Variants in ATP6V0E1 observed in about 807,000 individuals in gnomAD.
The protein encoded by ATP6V0E1 is ATPase H+ transporting V0 subunit e1.
Under a neutral mutation model 11.6 loss-of-function variants are expected in ATP6V0E1, and 4 were observed. That is an observed-to-expected ratio of 0.35 (90% CI 0.17 to 0.79). ATP6V0E1 has a LOEUF of 0.79. Ranked by LOEUF, ATP6V0E1 falls within the 30% of genes least tolerant of loss-of-function variation. ATP6V0E1 has a pLI of 0.54. For missense variants in ATP6V0E1, 105 were observed against 100.0 expected, an observed-to-expected ratio of 1.05 and a Z score of -0.21; for synonymous variants, 36 against 34.8, an observed-to-expected ratio of 1.04 and a Z score of -0.13.
intron 3 of ATP6V0E1, among the ~76,000 whole-genome samples, chr5:173,025,513 T>G (rs1289064264): frequency 8.2e-5 from 11 of 134,136 alleles, no homozygotes; most frequent in African/African-American, 2.3e-4. Flanking sequence ...ACTTTTTTTT[T>G]TTTTTTTTTT....
chr5:172,993,879 G>T (rs1356236565), intron 1 of ATP6V0E1, among the ~76,000 whole-genome samples: 2 of 151,968 alleles, frequency 1.3e-5, no homozygotes, highest in African/African-American at 4.8e-5. Flanking sequence ...AAAAAAACAG[G>T]AGTTATAATA....
rs763955601 is a variant in ATP6V0E1, at chr5:172,983,831, G to C, written c.-30G>C. Reference sequence around the variant, plus strand: ...CCTGGTGGGATCCGAGTGAGGCGACGGGGTAGGGGTTGGCGCTCAGGCGGC... The same window carrying C: ...CCTGGTGGGATCCGAGTGAGGCGACCGGGTAGGGGTTGGCGCTCAGGCGGC... On this transcript the variant is annotated 5_prime_UTR_variant, in exon 1 of 4. Coordinates refer to ENST00000519374, the MANE Select transcript of ATP6V0E1 (RefSeq NM_003945.4). The C allele has an allele frequency of 3.7e-6, 6 of 1,603,936 alleles. No homozygotes were observed. Among genetic ancestry groups the C allele is most frequent in the African/African-American group, 2.7e-5 (2 of 74,764 alleles).
intron 3 of ATP6V0E1, 24 bp downstream of exon 3, chr5:173,020,391 T>C (rs1756460971): frequency 2.9e-6 from 4 of 1,363,316 alleles, no homozygotes; most frequent in Admixed American, 1.8e-5. Context: ...TGACCTTTCT[T>C]ATCAGTATGG....
chr5:173,028,274 C>T (rs1308875395), intron 3 of ATP6V0E1, among the ~76,000 whole-genome samples: 7 of 152,188 alleles, frequency 4.6e-5, no homozygotes, highest in Admixed American at 4.6e-4. Context: ...TAATCTCTGC[C>T]TAGCGTTAGA....
At position 173,020,300 on chromosome 5, in the gene ATP6V0E1, C is replaced by A. The variant is rs904282539; in HGVS notation, c.215C>A (p.Thr72Asn). The change falls in exon 3 of 4, where the codon ACC becomes AAC. Residue 72 changes from threonine (T) to asparagine (N), a missense_variant. Transcript: ENST00000519374. ...TTTGGACCGCAATTGAAAAATGAAA[C>A]CATCTGGTATCTGAAGTATCATTGG... The part of the protein sequence containing the change: ...PLFGPQLKNE[T>N]IWYLKYHWP 2 of 1,613,868 alleles carry A rather than the reference C, an allele frequency of 1.2e-6. No individual in the cohort carries two copies. Among genetic ancestry groups the A allele is most frequent in the Non-Finnish European group, 1.7e-6 (2 of 1,179,772 alleles).
intron 3 of ATP6V0E1, among the ~76,000 whole-genome samples, chr5:173,026,004 T>A (rs563570607): frequency 1.9e-4 from 28 of 150,620 alleles, no homozygotes; most frequent in East Asian, 1.7e-3. Context: ...ATAATAATAT[T>A]TTTTTTTTTT....
chr5:173,019,820 C>T (rs937798719), intron 2 of ATP6V0E1, among the ~76,000 whole-genome samples: 1 of 152,046 alleles, frequency 6.6e-6, no homozygotes, highest in Admixed American at 6.6e-5. Flanking sequence ...ATGGGTGTGT[C>T]ATGTAGGTTG....
At chr5:173,018,972 T>TA (rs1171551084) in intron 2 of ATP6V0E1, among the ~76,000 whole-genome samples, 1 of 152,138 alleles carries the variant, frequency 6.6e-6, no homozygotes, top group Non-Finnish European at 1.5e-5. Flanking sequence ...TTTCTTTTTT[T>TA]AGAGACAGGG....
rs60822937 is a variant in ATP6V0E1, at chr5:173,025,504, C to CTTT, written c.*36+5162_*36+5164dup. Among the ~76,000 whole-genome samples the CTTT allele has an allele frequency of 6.3e-3, 411 of 65,576 alleles. 83 individuals are homozygous for CTTT. Among genetic ancestry groups the CTTT allele is most frequent in the African/African-American group, 0.011 (150 of 13,972 alleles). 43.0% of individuals were successfully genotyped at this position (65,576 alleles called of 152,430 possible). A position where few individuals can be genotyped will look rare whatever the true frequency, so the allele number is the denominator to read the frequency against. On this transcript the variant is annotated intron_variant, in intron 3 of 3. Transcript: ENST00000519374. ...ATTATTCTACAATGTATATAAAATACTTTTTTTTTTTTTTTTTTTTTTTTT... is the reference window on the plus strand; with the variant it reads ...ATTATTCTACAATGTATATAAAATACTTTTTTTTTTTTTTTTTTTTTTTTTTTT...
chr5:173,026,655 C>T (rs1390986950), intron 3 of ATP6V0E1, among the ~76,000 whole-genome samples: 1 of 152,130 alleles, frequency 6.6e-6, no homozygotes, highest in Non-Finnish European at 1.5e-5. Context: ...AGAGATGTTT[C>T]TCATCTCTTT....
intron 2 of ATP6V0E1, among the ~76,000 whole-genome samples, chr5:172,999,137 GA>G (rs887607673): frequency 1.3e-5 from 2 of 151,282 alleles, no homozygotes; most frequent in Non-Finnish European, 1.5e-5. Context: ...TCTCAGGAGG[GA>G]AAAAAAAGGG....
chr5:173,034,621 T>G lies in ATP6V0E1; in HGVS notation c.*259T>G. ...ACTCCACAAAACGATTATGTACTCT[T>G]CTGAGATAGAAGATGCTGTTCTTCT... On this transcript the variant is annotated 3_prime_UTR_variant, in exon 4 of 4. Coordinates refer to ENST00000519374, the MANE Select transcript of ATP6V0E1 (RefSeq NM_003945.4). The G allele has an allele frequency of 1.7e-6, 1 of 576,848 alleles. No individual in the cohort carries two copies. The highest frequency in any genetic ancestry group is 2.8e-5 in the East Asian group (1 of 35,508). The allele number at this position is 576,848 out of a possible 1,614,324, so 35.7% of individuals were successfully genotyped here.
intron 2 of ATP6V0E1, among the ~76,000 whole-genome samples, chr5:173,002,318 G>A (rs1362861167): frequency 2.0e-5 from 3 of 152,086 alleles, no homozygotes; most frequent in Non-Finnish European, 2.9e-5. Flanking sequence ...TGGAATCAAG[G>A]TCCACATAAA....
chr5:173,033,028 C>T (rs546712466), intron 3 of ATP6V0E1, among the ~76,000 whole-genome samples: 4 of 152,092 alleles, frequency 2.6e-5, no homozygotes, highest in Non-Finnish European at 4.4e-5. Flanking sequence ...TCCAGAAGGT[C>T]GAGGCTGCAG....
intron 3 of ATP6V0E1, chr5:173,020,971 G>A (rs781171047): frequency 5.8e-6 from 3 of 516,030 alleles, no homozygotes; most frequent in Non-Finnish European, 1.2e-5. Context: ...ATGGAGAAAG[G>A]TGCCTGCGTC....
At chr5:173,020,190 C>G (rs1297920855) in intron 2 of ATP6V0E1, 48 bp from the exon 3 acceptor site, 1 of 1,454,156 alleles carries the variant, frequency 6.9e-7, no homozygotes, top group Admixed American at 1.7e-5. Flanking sequence ...TGGTCATGTT[C>G]CAACATGATT....
chr5:173,032,261 A>ATT (rs1181297680), intron 3 of ATP6V0E1, among the ~76,000 whole-genome samples: 1 of 114,660 alleles, frequency 8.7e-6, no homozygotes, highest in Non-Finnish European at 1.8e-5. Context: ...TTATTTATTT[A>ATT]TTTATTTATT....
rs377218805 is a variant in ATP6V0E1, at chr5:173,031,867, G to A, written c.*37-2532G>A. Among the ~76,000 whole-genome samples, 9 of 149,836 alleles carry A rather than the reference G, an allele frequency of 6.0e-5. No homozygotes were observed. The South Asian group carries it at 1.3e-3, about 21-fold the overall frequency. ...TCCTTAATTTACTCCAAAATCAGCC[G>A]GGTGCAGTGGCTCACACCTGTAATC... On this transcript the variant is annotated intron_variant, in intron 3 of 3. Coordinates refer to ENST00000519374, the MANE Select transcript of ATP6V0E1 (RefSeq NM_003945.4).
At chr5:173,020,527 A>G in intron 3 of ATP6V0E1, 160 bp downstream of exon 3, 1 of 585,154 alleles carries the variant, frequency 1.7e-6, no homozygotes, top group Non-Finnish European at 3.1e-6. Context: ...CTTAAGCCTT[A>G]GCTTACCTAA....
Sources: gnomAD v4.1 joint callset for allele counts (sites outside exome capture counted in the v4.1 genomes callset) on GRCh38, gnomAD v4.1.1 for gene constraint, MANE v1.5 for transcripts, NCBI Gene and HGNC (gene_info 2026-07-23, HGNC 2026-07-21) for gene names.